The following MOGAT1 variants were observed in gnomAD, a reference collection of about 807,000 sequenced individuals.
The protein encoded by MOGAT1 is monoacylglycerol O-acyltransferase 1.
A neutral mutation model predicts 31.4 loss-of-function variants in MOGAT1; 32 were observed. The observed-to-expected ratio is 1.02, with a 90% CI of 0.77 to 1.37. The LOEUF is 1.37. MOGAT1 is among the 40% of genes most tolerant of loss of function. The pLI, the probability that MOGAT1 is intolerant of heterozygous loss-of-function variation, is 0.00. For synonymous variants in MOGAT1, 145 were observed against 144.5 expected, an observed-to-expected ratio of 1.00 and a Z score of -0.03; for missense variants, 426 against 402.0, an observed-to-expected ratio of 1.06 and a Z score of -0.51.
At chr2:222,684,618 C>T (rs1012953730) in intron 1 of MOGAT1, among the ~76,000 whole-genome samples, 4 of 151,968 alleles carry the variant, frequency 2.6e-5, no homozygotes, top group African/African-American at 9.7e-5. Context: ...GCCCTGTCAC[C>T]CGGGCTGAAG....
At chr2:222,682,992 G>A (rs4673031) in intron 1 of MOGAT1, among the ~76,000 whole-genome samples, 4 of 151,524 alleles carry the variant, frequency 2.6e-5, no homozygotes, top group South Asian at 2.1e-4. Flanking sequence ...TCGGTGGAGC[G>A]CAGGAGTTTG....
chr2:222,685,185 T>G (rs1692645562), intron 1 of MOGAT1, among the ~76,000 whole-genome samples: 1 of 152,200 alleles, frequency 6.6e-6, no homozygotes, highest in Admixed American at 6.5e-5. Context: ...TAATTTTTGT[T>G]GAGTGACAGG....
intron 5 of MOGAT1, 31 bp downstream of exon 5, chr2:222,695,319 CT>C (rs1559232422): frequency 6.9e-7 from 1 of 1,454,896 alleles, no homozygotes; most frequent in Admixed American, 2.0e-5. Context: ...CAACTATTAG[CT>C]TACTTTAAGC....
Position 222,705,430 on chromosome 2 carries a change from A to T in MOGAT1, c.854-4306A>T, listed in dbSNP as rs544628162. Among the ~76,000 whole-genome samples, 188 of 152,220 alleles carry T rather than the reference A, an allele frequency of 1.2e-3. 2 individuals are homozygous for T. Among genetic ancestry groups the T allele is most frequent in the Admixed American group, 3.4e-3 (52 of 15,276 alleles). On this transcript the variant is annotated intron_variant, in intron 5 of 5. Transcript: ENST00000446656. ...CAGTGCCTCCGACAATAGGGCTAGG[A>T]TTTGAAGCAAGCTAGGGGCCCTCAG...
intron 5 of MOGAT1, among the ~76,000 whole-genome samples, chr2:222,698,192 G>A (rs1692864497): frequency 6.6e-6 from 1 of 152,162 alleles, no homozygotes; most frequent in Non-Finnish European, 1.5e-5. Context: ...TACAATCTGG[G>A]GAGTAATTGC....
At chr2:222,708,623 G>A (rs906028058) in intron 5 of MOGAT1, among the ~76,000 whole-genome samples, 10 of 152,294 alleles carry the variant, frequency 6.6e-5, no homozygotes, top group African/African-American at 2.4e-4. Flanking sequence ...CACAGTTAGA[G>A]TGAAATTTCC....
At chr2:222,701,551 A>AAAGAAAG (rs1450663177) in intron 5 of MOGAT1, among the ~76,000 whole-genome samples, 5,352 of 145,642 alleles carry the variant, frequency 0.037, 242 homozygotes, top group African/African-American at 0.11. Flanking sequence ...AAAAAGAAAA[A>AAAGAAAG]AGAAAGAAAG....
intron 3 of MOGAT1, among the ~76,000 whole-genome samples, chr2:222,691,912 A>G (rs1456408162): frequency 1.3e-5 from 2 of 152,164 alleles, no homozygotes; most frequent in African/African-American, 4.8e-5. Context: ...ATCTATACCT[A>G]TCAGGTGTCA....
chr2:222,705,627 T>G (rs531166398), intron 5 of MOGAT1, among the ~76,000 whole-genome samples: 4 of 152,322 alleles, frequency 2.6e-5, no homozygotes, highest in Admixed American at 2.6e-4. Context: ...CATTCGGGTT[T>G]GTGGTGTTTT....
intron 3 of MOGAT1, among the ~76,000 whole-genome samples, chr2:222,690,621 A>G (rs1222442433): frequency 2.0e-5 from 3 of 152,164 alleles, no homozygotes; most frequent in African/African-American, 7.2e-5. Flanking sequence ...CGTCCTATTA[A>G]TCTCTCAAGT....
intron 3 of MOGAT1, 149 bp from the exon 4 acceptor site, chr2:222,694,213 A>G: frequency 4.4e-6 from 3 of 684,546 alleles, no homozygotes; most frequent in Non-Finnish European, 7.1e-6. Context: ...AGATTTGGCT[A>G]TGAAAAATTA....
At chr2:222,683,676 G>A (rs959867102) in intron 1 of MOGAT1, among the ~76,000 whole-genome samples, 1 of 151,130 alleles carries the variant, frequency 6.6e-6, no homozygotes, top group Non-Finnish European at 1.5e-5. Context: ...TCAGTGAGCC[G>A]AGATCACACC....
intron 5 of MOGAT1, among the ~76,000 whole-genome samples, chr2:222,701,596 A>AAGGG (rs71056503): frequency 4.3e-5 from 6 of 139,084 alleles, no homozygotes; most frequent in East Asian, 2.1e-4. Flanking sequence ...GAAAGAAAGA[A>AAGGG]AGGGAGGGAG....
chr2:222,673,701 C>A (rs551194017), intron 1 of MOGAT1, among the ~76,000 whole-genome samples: 1 of 152,294 alleles, frequency 6.6e-6, no homozygotes, highest in Non-Finnish European at 1.5e-5. Context: ...ACTTGGAGTC[C>A]GACTTCCTAA....
At chr2:222,681,553 A>G (rs567106825) in intron 1 of MOGAT1, among the ~76,000 whole-genome samples, 3 of 152,074 alleles carry the variant, frequency 2.0e-5, no homozygotes, top group Non-Finnish European at 2.9e-5. Context: ...AGCTGTCTGA[A>G]CCCTGGACTT....
chr2:222,679,531 C>A (rs531446780), intron 1 of MOGAT1, among the ~76,000 whole-genome samples: 1 of 152,176 alleles, frequency 6.6e-6, no homozygotes, highest in Non-Finnish European at 1.5e-5. Context: ...GTACATATGT[C>A]CTAAAACCAA....
intron 1 of MOGAT1, among the ~76,000 whole-genome samples, chr2:222,680,839 TTTC>T (rs1312810010): frequency 6.6e-6 from 1 of 152,220 alleles, no homozygotes; most frequent in Non-Finnish European, 1.5e-5. Context: ...TCTTAAATTA[TTTC>T]TTAATTATGG....
In MOGAT1 at chr2:222,689,354, T is replaced by G; in HGVS notation, c.363T>G (p.Asn121Lys). 6.2e-7 allele frequency: 1 copy of G among 1,614,072 alleles called. No homozygotes were observed. The highest frequency in any genetic ancestry group is 8.5e-7 in the Non-Finnish European group (1 of 1,179,898). The stretch of plus-strand genomic sequence containing the variant: ...TAATGGCAGTTGGAGCCTTTGGGAA[T>G]TTTTCTGTAAATTATTCTGACTTCA... ...HGIMAVGAFG[N>K]FSVNYSDFKD... Residue 121 changes from asparagine to lysine, a missense_variant, in exon 3 of 6, where the codon AAT becomes AAG. Physicochemically the swap from Asn to Lys is moderately conservative, Grantham distance 94. Transcript: ENST00000446656.
rs776361538 is a variant in MOGAT1, at chr2:222,695,110, T to C, written c.675T>C (p.Val225=). The change falls in exon 5 of 6, where the codon GTT becomes GTC. Residue 225 remains valine, a synonymous_variant. Coordinates refer to ENST00000446656, the MANE Select transcript of MOGAT1 (RefSeq NM_058165.3). ...LTHGASLVPV[V]SFGENELFKQ... ...GCAGCGCCTCTCTGGTCCCAGTGGTTTCTTTTGGTGAAAATGAACTGTTTA... is the reference window on the plus strand; with the variant it reads ...GCAGCGCCTCTCTGGTCCCAGTGGTCTCTTTTGGTGAAAATGAACTGTTTA... 1.2e-6 allele frequency: 2 copies of C among 1,604,752 alleles called. No homozygotes were observed. The highest frequency in any genetic ancestry group is 1.7e-6 in the Non-Finnish European group (2 of 1,176,386).
Sources: gnomAD v4.1 joint callset for allele counts (sites outside exome capture counted in the v4.1 genomes callset) on GRCh38, gnomAD v4.1.1 for gene constraint, MANE v1.5 for transcripts, NCBI Gene and HGNC (gene_info 2026-07-23, HGNC 2026-07-21) for gene names.